Variants in B4GALT5 observed in about 807,000 individuals in gnomAD.
B4GALT5 encodes beta-1,4-galactosyltransferase 5.
B4GALT5 carries 11 observed loss-of-function variants against 45.0 expected under a neutral mutation model. The observed-to-expected ratio is 0.24, with a 90% CI of 0.15 to 0.40. The LOEUF is 0.40. B4GALT5 is among the 10% of genes least tolerant of loss of function. The probability of loss-of-function intolerance (pLI) is 1.00; values close to 1 mark genes in which losing one functional copy is unlikely to be tolerated. For missense variants in B4GALT5, 337 were observed against 500.2 expected, an observed-to-expected ratio of 0.67 and a Z score of 3.11; for synonymous variants, 185 against 182.9, an observed-to-expected ratio of 1.01 and a Z score of -0.09.
At position 49,696,024 on chromosome 20, in the gene B4GALT5, G is replaced by A. The variant is rs543475704; in HGVS notation, c.115+17552C>T. The stretch of plus-strand genomic sequence containing the variant: ...TAACTACAGATTTAACTCCTTTACC[G>A]ATGCAAAAGGCACGCTGTGTCACAC... On this transcript the variant is annotated intron_variant, in intron 1 of 8. Transcript: ENST00000371711. Among the ~76,000 whole-genome samples the A allele has an allele frequency of 1.4e-4, 22 of 152,292 alleles. No homozygotes were observed. In the South Asian group the frequency reaches 4.6e-3, roughly 32 times the overall value.
intron 1 of B4GALT5, among the ~76,000 whole-genome samples, chr20:49,662,524 G>A (rs2085669289): frequency 6.6e-6 from 1 of 152,132 alleles, no homozygotes; most frequent in African/African-American, 2.4e-5. Context: ...AGAGTTTTCT[G>A]AACTTGGCTG....
intron 1 of B4GALT5, among the ~76,000 whole-genome samples, chr20:49,690,572 C>T (rs1342177587): frequency 6.6e-6 from 1 of 150,414 alleles, no homozygotes; most frequent in Non-Finnish European, 1.5e-5. Flanking sequence ...GGGGGGGTGA[C>T]AATTATATTT....
intron 2 of B4GALT5, among the ~76,000 whole-genome samples, chr20:49,654,145 G>A (rs935442001): frequency 3.9e-5 from 6 of 152,208 alleles, no homozygotes; most frequent in African/African-American, 1.2e-4. Context: ...AGGGGAGAGC[G>A]CTCTGGAAGG....
In B4GALT5 at chr20:49,700,602, A is replaced by T. The variant is rs2085857565; in HGVS notation, c.115+12974T>A. On this transcript the variant is annotated intron_variant, in intron 1 of 8. Coordinates refer to ENST00000371711, the MANE Select transcript of B4GALT5 (RefSeq NM_004776.4). ...GGCATGAGCCACCACACCTGGCCAT[A>T]AGATTAAAATTCAAAAGTATTACAA... Among the ~76,000 whole-genome samples, 3 of 152,234 alleles carry T rather than the reference A, an allele frequency of 2.0e-5. No individual in the cohort carries two copies. The South Asian group carries it at 6.2e-4, about 32-fold the overall frequency.
At chr20:49,705,601 G>A (rs1256902172) in intron 1 of B4GALT5, among the ~76,000 whole-genome samples, 1 of 152,198 alleles carries the variant, frequency 6.6e-6, no homozygotes, top group Non-Finnish European at 1.5e-5. Flanking sequence ...GCAGTCTGGG[G>A]AGGAGATGAA....
chr20:49,654,328 G>C (rs2085633395), intron 2 of B4GALT5, among the ~76,000 whole-genome samples: 1 of 152,186 alleles, frequency 6.6e-6, no homozygotes, highest in African/African-American at 2.4e-5. Context: ...CATGAGTCGA[G>C]TGAGAATGTG....
intron 1 of B4GALT5, among the ~76,000 whole-genome samples, chr20:49,669,489 G>C (rs146702377): frequency 0.016 from 2,435 of 152,198 alleles, 39 homozygotes; most frequent in East Asian, 0.083. Context: ...CTGAGGTCAG[G>C]AGTTCGCAAC....
At chr20:49,665,333 G>A (rs2085685169) in intron 1 of B4GALT5, among the ~76,000 whole-genome samples, 2 of 147,060 alleles carry the variant, frequency 1.4e-5, no homozygotes, top group South Asian at 2.2e-4. Flanking sequence ...AGAATCCTTC[G>A]AGCTCAGGAG....
intron 1 of B4GALT5, among the ~76,000 whole-genome samples, chr20:49,700,688 T>A (rs1043049524): frequency 1.3e-5 from 2 of 152,150 alleles, no homozygotes; most frequent in African/African-American, 4.8e-5. Flanking sequence ...GATGATGATG[T>A]GATAATCCAG....
At chr20:49,692,570 C>T (rs2085818651) in intron 1 of B4GALT5, among the ~76,000 whole-genome samples, 2 of 152,110 alleles carry the variant, frequency 1.3e-5, no homozygotes, top group Admixed American at 1.3e-4. Context: ...GGTGAAAATC[C>T]TTGGAATAAC....
intron 7 of B4GALT5, among the ~76,000 whole-genome samples, chr20:49,639,361 T>G (rs936806258): frequency 6.7e-6 from 1 of 149,484 alleles, no homozygotes; most frequent in African/African-American, 2.4e-5. Context: ...ATGTGTGTGG[T>G]GTGTGTGTGT....
intron 1 of B4GALT5, among the ~76,000 whole-genome samples, chr20:49,701,068 A>G (rs779141528): frequency 1.2e-4 from 18 of 152,252 alleles, no homozygotes; most frequent in Non-Finnish European, 2.1e-4. Flanking sequence ...CATGCTCCTT[A>G]GAAGACTTAA....
At chr20:49,680,907 T>C (rs369931261) in intron 1 of B4GALT5, among the ~76,000 whole-genome samples, 5 of 152,108 alleles carry the variant, frequency 3.3e-5, no homozygotes, top group African/African-American at 1.2e-4. Context: ...TATTTTACCA[T>C]ATATTTTACC....
In B4GALT5 at chr20:49,647,084, G is replaced by A; in HGVS notation, c.251-6C>T. 1 of 1,600,430 alleles carries A rather than the reference G, an allele frequency of 6.2e-7. No individual in the cohort carries two copies. Among genetic ancestry groups the A allele is most frequent in the Non-Finnish European group, 8.6e-7 (1 of 1,169,368 alleles). On this transcript the variant is annotated splice_polypyrimidine_tract_variant and splice_region_variant and intron_variant, in intron 2 of 8. Transcript: ENST00000371711. Reference sequence around the variant, plus strand: ...GTTCAAGTCAAGAGGATAATCTAGGGAGGTAAAGGAAAAAAGTCGATCAGA... The same window carrying A: ...GTTCAAGTCAAGAGGATAATCTAGGAAGGTAAAGGAAAAAAGTCGATCAGA...
chr20:49,648,406 T>C (rs1194415423), intron 2 of B4GALT5, among the ~76,000 whole-genome samples: 2 of 152,206 alleles, frequency 1.3e-5, no homozygotes, highest in Admixed American at 6.5e-5. Flanking sequence ...GAAATGGGTC[T>C]GGGTATCTGA....
intron 1 of B4GALT5, among the ~76,000 whole-genome samples, chr20:49,684,777 G>C (rs2085778750): frequency 6.6e-6 from 1 of 152,240 alleles, no homozygotes; most frequent in Non-Finnish European, 1.5e-5. Context: ...GGTAGGATTA[G>C]AGTTTCACTC....
chr20:49,712,750 G>A (rs1249478418), intron 1 of B4GALT5, among the ~76,000 whole-genome samples: 3 of 146,200 alleles, frequency 2.1e-5, no homozygotes, highest in African/African-American at 7.5e-5. Context: ...CCTTCCCCAG[G>A]TCTTCAGTTG....
At chr20:49,676,042 A>AC (rs1305892529) in intron 1 of B4GALT5, among the ~76,000 whole-genome samples, 5 of 140,680 alleles carry the variant, frequency 3.6e-5, no homozygotes, top group Non-Finnish European at 7.7e-5. Context: ...CCCCAACCCA[A>AC]CCCCCCCAGA....
chr20:49,691,883 C>A (rs2085814163), intron 1 of B4GALT5, among the ~76,000 whole-genome samples: 1 of 152,076 alleles, frequency 6.6e-6, no homozygotes, highest in Non-Finnish European at 1.5e-5. Context: ...AAAAACAAAA[C>A]CCTAGGCAGT....
Sources: gnomAD v4.1 joint callset for allele counts (sites outside exome capture counted in the v4.1 genomes callset) on GRCh38, gnomAD v4.1.1 for gene constraint, MANE v1.5 for transcripts, NCBI Gene and HGNC (gene_info 2026-07-23, HGNC 2026-07-21) for gene names.